Variants in FAM169A observed in about 807,000 individuals in gnomAD.
FAM169A encodes the protein soluble lamin-associated protein of 75 kDa.
FAM169A carries 24 observed loss-of-function variants against 75.7 expected under a neutral mutation model. That is an observed-to-expected ratio of 0.32 (90% CI 0.23 to 0.45). The LOEUF is 0.45. Ranked by LOEUF, FAM169A falls within the 20% of genes least tolerant of loss-of-function variation. The pLI is 1.00. For synonymous variants in FAM169A, 271 were observed against 271.0 expected (o/e 1.00, Z 0.00); for missense variants, 673 against 784.0 (o/e 0.86, Z 1.69).
intron 11 of FAM169A, among the ~76,000 whole-genome samples, chr5:74,788,134 G>A (rs532490186): frequency 1.1e-4 from 16 of 152,264 alleles, no homozygotes; most frequent in South Asian, 8.3e-4. Flanking sequence ...CGTTGATTCC[G>A]GGGGACCCAA....
intron 10 of FAM169A, chr5:74,799,865 G>C (rs1278908731): frequency 2.0e-6 from 2 of 1,018,546 alleles, no homozygotes; most frequent in Non-Finnish European, 3.1e-6. Context: ...TTCCAAAACA[G>C]AGCATCCAAC....
At chr5:74,835,185 T>A (rs114856806) in intron 4 of FAM169A, among the ~76,000 whole-genome samples, 1 of 152,072 alleles carries the variant, frequency 6.6e-6, no homozygotes, top group African/African-American at 2.4e-5. Flanking sequence ...CAAAGAAGTC[T>A]AATAAAAACA....
At chr5:74,789,036 C>T (rs930217793) in intron 11 of FAM169A, among the ~76,000 whole-genome samples, 2 of 152,242 alleles carry the variant, frequency 1.3e-5, no homozygotes, top group Non-Finnish European at 2.9e-5. Context: ...ATAAGGCCCA[C>T]CAGAAGCAAT....
chr5:74,791,654 G>A (rs1340265547), intron 11 of FAM169A, among the ~76,000 whole-genome samples: 1 of 152,178 alleles, frequency 6.6e-6, no homozygotes, highest in Non-Finnish European at 1.5e-5. Context: ...GAGATCCCTT[G>A]GGGTGTCTCT....
In FAM169A at chr5:74,857,571, G is replaced by GAAAAAAA. The variant is rs1561328873; in HGVS notation, c.-4+8593_-4+8594insTTTTTTT. On this transcript the variant is annotated intron_variant, in intron 1 of 12. Coordinates refer to ENST00000687041, the MANE Select transcript of FAM169A (RefSeq NM_001376049.1). Reference sequence around the variant, plus strand: ...GGTGACAGAGCCAGACCTTGCCGCGGGAAAAAAAAAAAAAAAAAAAAAAAA... The same window carrying GAAAAAAA: ...GGTGACAGAGCCAGACCTTGCCGCGGAAAAAAAGAAAAAAAAAAAAAAAAAAAAAAAA... Among the ~76,000 whole-genome samples the GAAAAAAA allele has an allele frequency of 6.5e-4, 43 of 65,736 alleles. 2 individuals carry two copies. The highest frequency in any genetic ancestry group is 2.0e-3 in the African/African-American group (32 of 15,906). The allele number at this position is 65,736 out of a possible 152,430, so 43.1% of individuals were successfully genotyped here.
At chr5:74,794,648 G>A (rs552099666) in intron 11 of FAM169A, among the ~76,000 whole-genome samples, 75 of 151,318 alleles carry the variant, frequency 5.0e-4, no homozygotes, top group African/African-American at 1.7e-3. Flanking sequence ...GCGTTGTGGC[G>A]TGTGCCTGTA....
intron 2 of FAM169A, 150 bp from the exon 3 acceptor site, chr5:74,840,323 A>C: frequency 2.2e-6 from 1 of 449,156 alleles, no homozygotes; most frequent in Non-Finnish European, 4.0e-6. Context: ...AAAAAAGAGT[A>C]AATCAGATAG....
chr5:74,840,765 G>C (rs1224193113), intron 2 of FAM169A, among the ~76,000 whole-genome samples: 2 of 150,960 alleles, frequency 1.3e-5, no homozygotes, highest in Non-Finnish European at 2.9e-5. Context: ...GGAGGCAGAG[G>C]TTGCAGTGAG....
intron 5 of FAM169A, among the ~76,000 whole-genome samples, chr5:74,819,030 G>A (rs1229098563): frequency 2.6e-5 from 4 of 152,022 alleles, no homozygotes; most frequent in African/African-American, 9.7e-5. Flanking sequence ...GACCGGCGTG[G>A]CCAACATGGC....
intron 5 of FAM169A, among the ~76,000 whole-genome samples, chr5:74,831,434 T>C (rs1217906689): frequency 2.0e-5 from 3 of 152,144 alleles, no homozygotes; most frequent in African/African-American, 7.2e-5. Context: ...TCTTGAGGTA[T>C]GCAAATGAAA....
chr5:74,805,153 T>C lies in FAM169A; in HGVS notation c.799+3A>G. On this transcript the variant is annotated splice_donor_region_variant and intron_variant, in intron 7 of 12. Coordinates refer to ENST00000687041, the MANE Select transcript of FAM169A (RefSeq NM_001376049.1). ...CTTATGTTCAAACTGAAAACACTCT[T>C]ACCTAGAATTTTAAGTGCTTCTCTT... 1 of 1,613,376 alleles carries C rather than the reference T, an allele frequency of 6.2e-7. No homozygotes were observed.
intron 1 of FAM169A, among the ~76,000 whole-genome samples, chr5:74,845,582 T>C (rs539900369): frequency 6.6e-6 from 1 of 152,212 alleles, no homozygotes; most frequent in African/African-American, 2.4e-5. Context: ...TAATTTTATA[T>C]AAATATGTAC....
Position 74,779,204 on chromosome 5 carries a change from T to C in FAM169A, c.*2256A>G, listed in dbSNP as rs1196345915. ...ACTGTTAGCCCCCAATGGTCATATA[T>C]GATTAATAAACATTTTTTGTAAACT... On this transcript the variant is annotated 3_prime_UTR_variant, in exon 13 of 13. Coordinates refer to ENST00000687041, the MANE Select transcript of FAM169A (RefSeq NM_001376049.1). The C allele has an allele frequency of 1.3e-5, 2 of 152,146 alleles. No homozygotes were observed. The highest frequency in any genetic ancestry group is 2.9e-5 in the Non-Finnish European group (2 of 67,992). 9.4% of individuals were successfully genotyped at this position (152,146 alleles called of 1,614,324 possible). A position where few individuals can be genotyped will look rare whatever the true frequency, so the allele number is the denominator to read the frequency against.
chr5:74,800,464 G>A (rs1188476619), intron 10 of FAM169A, among the ~76,000 whole-genome samples: 1 of 152,048 alleles, frequency 6.6e-6, no homozygotes, highest in African/African-American at 2.4e-5. Flanking sequence ...CAAATTCAGC[G>A]TGGTGATAAT....
chr5:74,832,981 G>A (rs1580140306), intron 5 of FAM169A, among the ~76,000 whole-genome samples: 1 of 152,130 alleles, frequency 6.6e-6, no homozygotes, highest in Admixed American at 6.6e-5. Context: ...AGAACAAGCA[G>A]AAATAGAGGC....
chr5:74,823,347 T>TC (rs1189977010), intron 5 of FAM169A, among the ~76,000 whole-genome samples: 3 of 152,040 alleles, frequency 2.0e-5, no homozygotes, highest in Non-Finnish European at 4.4e-5. Context: ...TTCTTTCCCT[T>TC]CCCCCTTCTC....
At chr5:74,831,915 TCTCA>T (rs1213187831) in intron 5 of FAM169A, among the ~76,000 whole-genome samples, 1 of 152,070 alleles carries the variant, frequency 6.6e-6, no homozygotes, top group Non-Finnish European at 1.5e-5. Flanking sequence ...ATACCTTCAA[TCTCA>T]CTCAATGTTC....
chr5:74,784,510 C>CAAAAAAAAAAAAAAAAAAAAAA (rs200414695), intron 11 of FAM169A, among the ~76,000 whole-genome samples: 16 of 29,860 alleles, frequency 5.4e-4, no homozygotes, highest in African/African-American at 2.2e-3. Context: ...GACTCCGTCT[C>CAAAAAAAAAAAAAAAAAAAAAA]AAAAAAAAAA....
In FAM169A at chr5:74,866,233, C is replaced by A; in HGVS notation, c.-72G>T. Reference sequence around the variant, plus strand: ...GGCGGAGCCGCGCGAATGAATGGAGCCGGCGGCTGCTCGCTGGCGACCTCC... The same window carrying A: ...GGCGGAGCCGCGCGAATGAATGGAGACGGCGGCTGCTCGCTGGCGACCTCC... On this transcript the variant is annotated 5_prime_UTR_variant, in exon 1 of 13. Coordinates refer to ENST00000687041, the MANE Select transcript of FAM169A (RefSeq NM_001376049.1). The A allele has an allele frequency of 1.0e-6, 1 of 983,766 alleles. No individual in the cohort carries two copies. Among genetic ancestry groups the A allele is most frequent in the Non-Finnish European group, 1.2e-6 (1 of 829,106 alleles). 60.9% of individuals were successfully genotyped at this position (983,766 alleles called of 1,614,324 possible). A position where few individuals can be genotyped will look rare whatever the true frequency, so the allele number is the denominator to read the frequency against.
Sources: allele counts gnomAD v4.1 joint callset (sites outside exome capture counted in the v4.1 genomes callset), GRCh38; gene constraint gnomAD v4.1.1; transcripts MANE v1.5; gene names NCBI Gene and HGNC (gene_info 2026-07-23, HGNC 2026-07-21).